The following LRP1B variants were observed in gnomAD, a reference collection of about 807,000 sequenced individuals.
LRP1B encodes LDL receptor related protein 1B.
LRP1B carries 217 observed loss-of-function variants against 556.6 expected under a neutral mutation model. That is an observed-to-expected ratio of 0.39 (90% CI 0.35 to 0.44). The LOEUF is 0.44. LRP1B is among the 20% of genes least tolerant of loss of function. The pLI, the probability that LRP1B is intolerant of heterozygous loss-of-function variation, is 1.00. For missense variants in LRP1B, 5,053 were observed against 5,620.8 expected (o/e 0.90, Z 3.23); for synonymous variants, 2,047 against 1,865.8 (o/e 1.10, Z -2.50).
In LRP1B at chr2:140,239,459, A is replaced by G. The variant is rs778890636; in HGVS notation, c.13398T>C (p.Leu4466=). The part of the protein sequence containing the change: ...LITTLVIGLV[L]CKRKRRTKTI... Reference sequence around the variant, plus strand: ...CATCTTACCTTCTTTTTCTTTTACAAAGCACTAAACCAATTACTAAGGTGG... The same window carrying G: ...CATCTTACCTTCTTTTTCTTTTACAGAGCACTAAACCAATTACTAAGGTGG... Residue 4466 remains leucine (L), a synonymous_variant, in exon 88 of 91, where the codon CTT becomes CTC. Coordinates refer to ENST00000389484, the MANE Select transcript of LRP1B (RefSeq NM_018557.3). 1.9e-6 allele frequency: 3 copies of G among 1,597,280 alleles called. No individual in the cohort carries two copies. Among genetic ancestry groups the G allele is most frequent in the South Asian group, 2.2e-5 (2 of 89,246 alleles).
chr2:141,204,538 C>G (rs2105233899), intron 6 of LRP1B, among the ~76,000 whole-genome samples: 1 of 152,238 alleles, frequency 6.6e-6, no homozygotes, highest in Non-Finnish European at 1.5e-5. Context: ...CCCCATAGCA[C>G]TTCAGATGTG....
At chr2:141,207,279 A>G (rs961591301) in intron 6 of LRP1B, among the ~76,000 whole-genome samples, 1 of 152,240 alleles carries the variant, frequency 6.6e-6, no homozygotes, top group Non-Finnish European at 1.5e-5. Flanking sequence ...TCTCTCAGAC[A>G]CTATGAATAT....
chr2:140,625,839 C>T (rs936488219), intron 41 of LRP1B, among the ~76,000 whole-genome samples: 6 of 152,144 alleles, frequency 3.9e-5, no homozygotes, highest in African/African-American at 1.4e-4. Context: ...ACTAAATATA[C>T]TCTCACCATA....
chr2:140,582,922 C>T (rs1348561031), intron 43 of LRP1B, among the ~76,000 whole-genome samples: 1 of 152,136 alleles, frequency 6.6e-6, no homozygotes. Context: ...TCAGCTTTTA[C>T]ATGTTGGGGT....
At chr2:142,063,676 A>T (rs1443525007) in intron 1 of LRP1B, among the ~76,000 whole-genome samples, 1 of 151,616 alleles carries the variant, frequency 6.6e-6, no homozygotes, top group Non-Finnish European at 1.5e-5. Flanking sequence ...ATACCTAGAA[A>T]TTTTAAACTT....
chr2:140,841,231 T>G (rs1273652201), intron 29 of LRP1B, 139 bp from the exon 30 acceptor site: 23 of 572,006 alleles, frequency 4.0e-5, no homozygotes, highest in Non-Finnish European at 1.5e-5. Flanking sequence ...GATTGTAATC[T>G]CATTCCCTTA....
intron 7 of LRP1B, among the ~76,000 whole-genome samples, chr2:141,072,180 T>C (rs370970976): frequency 6.6e-6 from 1 of 152,124 alleles, no homozygotes; most frequent in African/African-American, 2.4e-5. Context: ...CATAAGATTA[T>C]ACTTTGAATG....
At chr2:140,702,656 G>T in intron 37 of LRP1B, 103 bp from the exon 38 acceptor site, 1 of 986,758 alleles carries the variant, frequency 1.0e-6, no homozygotes, top group Non-Finnish European at 1.5e-6. Flanking sequence ...ATTCACACTA[G>T]AATAAAAATA....
In LRP1B at chr2:141,359,518, G is replaced by T. The variant is rs112638574; in HGVS notation, c.344-104877C>A. Among the ~76,000 whole-genome samples the T allele has an allele frequency of 4.8e-3, 737 of 152,250 alleles. 9 individuals carry two copies. The highest frequency in any genetic ancestry group is 0.016 in the African/African-American group (664 of 41,554). On this transcript the variant is annotated intron_variant, in intron 3 of 90. Coordinates refer to ENST00000389484, the MANE Select transcript of LRP1B (RefSeq NM_018557.3). The stretch of plus-strand genomic sequence containing the variant: ...CACATCTGTAATCCCAGCACTTTGG[G>T]AGGCCAAGGCAGGTGCATCACGAGG...
Position 141,531,566 on chromosome 2 carries a change from C to T in LRP1B, c.206-51033G>A, listed in dbSNP as rs192832429. Among the ~76,000 whole-genome samples the T allele has an allele frequency of 1.9e-3, 288 of 152,172 alleles. 2 individuals are homozygous for T. Among genetic ancestry groups the T allele is most frequent in the African/African-American group, 6.7e-3 (280 of 41,534 alleles). On this transcript the variant is annotated intron_variant, in intron 2 of 90. Transcript: ENST00000389484. ...GGTAATTGATTTGTTTAAAATGTTT[C>T]AACAATAAACCATTTCTCAGAAAAG... is the stretch of plus-strand genomic sequence containing the variant.
intron 45 of LRP1B, 141 bp downstream of exon 45, chr2:140,540,832 C>A (rs1680105817): frequency 1.0e-6 from 1 of 964,372 alleles, no homozygotes; most frequent in Non-Finnish European, 1.5e-6. Flanking sequence ...ACTCGGTTTT[C>A]TTTAGAGCAG....
rs924246080 is a variant in LRP1B at position 140,640,298 on chromosome 2, C to A, written c.6800-38659G>T. The stretch of plus-strand genomic sequence containing the variant: ...GAGCCATCGCGCCGGGCCTCAAATG[C>A]TACATTGTTTAAGATTATTTCACTG... On this transcript the variant is annotated intron_variant, in intron 41 of 90. Transcript: ENST00000389484. 2.0e-5 allele frequency among the ~76,000 whole-genome samples: 3 copies of A among 148,648 alleles called. No homozygotes were observed. In the South Asian group the frequency reaches 6.5e-4, roughly 32 times the overall value.
intron 43 of LRP1B, among the ~76,000 whole-genome samples, chr2:140,552,793 A>C (rs992756013): frequency 1.3e-5 from 2 of 152,144 alleles, no homozygotes; most frequent in African/African-American, 4.8e-5. Context: ...GTTTCTTCAC[A>C]AAACACATTT....
intron 1 of LRP1B, among the ~76,000 whole-genome samples, chr2:142,094,026 G>A (rs1183842460): frequency 6.6e-6 from 1 of 152,022 alleles, no homozygotes; most frequent in African/African-American, 2.4e-5. Flanking sequence ...TGTCTGCTGA[G>A]AGACATCTTC....
chr2:140,697,270 A>T (rs1330257249), intron 41 of LRP1B, among the ~76,000 whole-genome samples: 2 of 152,166 alleles, frequency 1.3e-5, no homozygotes, highest in African/African-American at 4.8e-5. Context: ...TTGAAACAGG[A>T]TCTAAAATAT....
chr2:140,492,451 A>G (rs1337968091), intron 57 of LRP1B, among the ~76,000 whole-genome samples, 157 bp downstream of exon 57: 1 of 152,130 alleles, frequency 6.6e-6, no homozygotes, highest in African/African-American at 2.4e-5. Context: ...ATAAATTTGG[A>G]GCAGAACAGA....
chr2:141,568,920 A>ATTTTTTT (rs70994438), intron 2 of LRP1B, among the ~76,000 whole-genome samples: 1 of 142,996 alleles, frequency 7.0e-6, no homozygotes, highest in Non-Finnish European at 1.5e-5. Context: ...TGCCCAGTTA[A>ATTTTTTT]TTTTTTTTTT....
At chr2:141,942,867 A>C (rs1325686770) in intron 1 of LRP1B, among the ~76,000 whole-genome samples, 1 of 152,162 alleles carries the variant, frequency 6.6e-6, no homozygotes, top group Non-Finnish European at 1.5e-5. Context: ...TGAGGGGAAC[A>C]CCTTTCATAC....
chr2:142,128,030 T>C (rs78323898), intron 1 of LRP1B, among the ~76,000 whole-genome samples: 4,647 of 152,202 alleles, frequency 0.031, 138 homozygotes, highest in Non-Finnish European at 0.038. Flanking sequence ...TAAGATGTGA[T>C]AGAATGTAAT....
Sources: gnomAD v4.1 joint callset for allele counts (sites outside exome capture counted in the v4.1 genomes callset) on GRCh38, gnomAD v4.1.1 for gene constraint, MANE v1.5 for transcripts, NCBI Gene and HGNC (gene_info 2026-07-23, HGNC 2026-07-21) for gene names.